Variants in BAZ2B observed in about 807,000 individuals in gnomAD.
BAZ2B encodes the protein bromodomain adjacent to zinc finger domain protein 2B.
BAZ2B carries 91 observed loss-of-function variants against 246.0 expected under a neutral mutation model. The ratio of observed to expected loss-of-function variants is 0.37; its 90% confidence interval spans 0.31 to 0.44. BAZ2B has a LOEUF of 0.44. Ranked by LOEUF, BAZ2B falls within the 20% of genes least tolerant of loss-of-function variation. BAZ2B has a pLI of 1.00. For synonymous variants in BAZ2B, 855 were observed against 860.0 expected (o/e 0.99, Z 0.10); for missense variants, 2,332 against 2,533.7 (o/e 0.92, Z 1.71).
intron 2 of BAZ2B, among the ~76,000 whole-genome samples, chr2:159,500,735 C>T (rs1341198889): frequency 1.3e-5 from 2 of 152,114 alleles, no homozygotes; most frequent in Non-Finnish European, 2.9e-5. Flanking sequence ...ATGCAGATCA[C>T]CTGAAGTCAG....
chr2:159,549,704 G>C (rs1468295381), intron 2 of BAZ2B, among the ~76,000 whole-genome samples: 1 of 151,164 alleles, frequency 6.6e-6, no homozygotes, highest in Non-Finnish European at 1.5e-5. Context: ...GTGGCCCACA[G>C]GCCACAGGTT....
Position 159,433,109 on chromosome 2 carries a change from C to T in BAZ2B, c.1548G>A (p.Gln516=), listed in dbSNP as rs764491958. 1 of 1,614,182 alleles carries T rather than the reference C, an allele frequency of 6.2e-7. No homozygotes were observed. The highest frequency in any genetic ancestry group is 2.2e-5 in the East Asian group (1 of 44,886). ...CAGCAATGTTTTCATTAATCTTGCT[C>T]TGCATTTTAGTTTTGGTAGTAAGTG... The part of the protein sequence containing the change: ...PLALTTKTKM[Q]SKINENIAAA... Residue 516 remains glutamine, a synonymous_variant, in exon 9 of 37, where the codon CAG becomes CAA. Transcript: ENST00000392783.
intron 6 of BAZ2B, among the ~76,000 whole-genome samples, chr2:159,439,896 G>A (rs1292925179): frequency 6.6e-6 from 1 of 152,024 alleles, no homozygotes; most frequent in Non-Finnish European, 1.5e-5. Flanking sequence ...TGACGAGAGA[G>A]ATTTATTTTT....
chr2:159,512,791 T>C (rs916926381), intron 2 of BAZ2B, among the ~76,000 whole-genome samples: 1 of 152,140 alleles, frequency 6.6e-6, no homozygotes, highest in Non-Finnish European at 1.5e-5. Context: ...GTAACTATAC[T>C]GAAAGCTCTG....
At chr2:159,544,572 C>CCAGGTACCAATTTA (rs2087076201) in intron 2 of BAZ2B, among the ~76,000 whole-genome samples, 5 of 152,050 alleles carry the variant, frequency 3.3e-5, no homozygotes, top group Admixed American at 3.3e-4. Flanking sequence ...TGTGGGATAA[C>CCAGGTACCAATTTA]CAGGTACCAA....
chr2:159,382,535 T>TA (rs776843339), intron 25 of BAZ2B, 24 bp downstream of exon 25: 1 of 1,544,050 alleles, frequency 6.5e-7, no homozygotes, highest in South Asian at 1.2e-5. Context: ...CTAGTTGTCT[T>TA]AAAATCAACC....
At chr2:159,692,286 C>G in the BAZ2B span, among the ~76,000 whole-genome samples, 1 of 152,028 alleles carries the variant, frequency 6.6e-6, no homozygotes, top group Non-Finnish European at 1.5e-5. Flanking sequence ...TCCCGAGTAG[C>G]TGGGAGTACA....
At chr2:159,552,068 G>A (rs1025264366) in intron 2 of BAZ2B, among the ~76,000 whole-genome samples, 1 of 152,120 alleles carries the variant, frequency 6.6e-6, no homozygotes, top group African/African-American at 2.4e-5. Context: ...ACTATTATGT[G>A]CACTACTTTC....
chr2:159,400,974 G>C (rs1464405743), intron 16 of BAZ2B, among the ~76,000 whole-genome samples: 2 of 152,132 alleles, frequency 1.3e-5, no homozygotes, highest in Non-Finnish European at 1.5e-5. Context: ...AACCCAGGAG[G>C]TGGAGCTTGC....
chr2:159,689,713 A>C, the BAZ2B span: 2 of 417,570 alleles, frequency 4.8e-6, no homozygotes, highest in African/African-American at 4.3e-5. Context: ...GGAGACGATA[A>C]ATAGATTGGC....
intron 4 of BAZ2B, among the ~76,000 whole-genome samples, chr2:159,453,065 G>A (rs1331858696): frequency 1.3e-5 from 2 of 152,074 alleles, no homozygotes; most frequent in Admixed American, 6.6e-5. Context: ...GCACCACTGC[G>A]CTCTAGCCTG....
intron 2 of BAZ2B, among the ~76,000 whole-genome samples, chr2:159,494,697 C>A (rs2080879846): frequency 6.6e-6 from 1 of 152,172 alleles, no homozygotes; most frequent in Admixed American, 6.5e-5. Context: ...ATTCTATATA[C>A]TCAACTAATT....
intron 2 of BAZ2B, among the ~76,000 whole-genome samples, chr2:159,503,229 C>T (rs1190382255): frequency 6.6e-6 from 1 of 152,166 alleles, no homozygotes; most frequent in African/African-American, 2.4e-5. Context: ...ATAACAAGGT[C>T]TACTTAATAA....
At chr2:159,516,125 A>T (rs1049609665) in intron 2 of BAZ2B, among the ~76,000 whole-genome samples, 2 of 152,128 alleles carry the variant, frequency 1.3e-5, no homozygotes, top group Non-Finnish European at 2.9e-5. Flanking sequence ...TCCAAACTTA[A>T]ACAGTAGTTT....
the BAZ2B span, among the ~76,000 whole-genome samples, chr2:159,705,915 T>G: frequency 1.5e-5 from 2 of 134,936 alleles, no homozygotes; most frequent in South Asian, 5.0e-4. Context: ...TAATATCTAT[T>G]ACAAACCAAA....
chr2:159,514,897 G>A (rs1371213147), intron 2 of BAZ2B, among the ~76,000 whole-genome samples: 2 of 152,000 alleles, frequency 1.3e-5, no homozygotes, highest in African/African-American at 2.4e-5. Flanking sequence ...GACTAAGCTA[G>A]AATACTCACA....
At chr2:159,374,578 A>T in intron 26 of BAZ2B, 113 bp downstream of exon 26, 1 of 807,678 alleles carries the variant, frequency 1.2e-6, no homozygotes, top group Non-Finnish European at 2.0e-6. Context: ...CTTCATTTTT[A>T]ATTACTCACC....
the BAZ2B span, among the ~76,000 whole-genome samples, chr2:159,631,555 G>C: frequency 7.9e-5 from 12 of 152,174 alleles, no homozygotes; most frequent in Non-Finnish European, 1.5e-4. Flanking sequence ...AATTATGAAA[G>C]ATTATTGGTG....
chr2:159,502,467 G>GAAA (rs34450681), intron 2 of BAZ2B, among the ~76,000 whole-genome samples: 1 of 137,686 alleles, frequency 7.3e-6, no homozygotes, highest in African/African-American at 2.7e-5. Context: ...TCTCAAAAAG[G>GAAA]AAAAAAAAAA....
Sources: allele counts gnomAD v4.1 joint callset (sites outside exome capture counted in the v4.1 genomes callset), GRCh38; gene constraint gnomAD v4.1.1; transcripts MANE v1.5; gene names NCBI Gene and HGNC (gene_info 2026-07-23, HGNC 2026-07-21).